Variants in ADGRL3 observed in about 807,000 individuals in gnomAD.
ADGRL3 encodes the protein adhesion G protein-coupled receptor L3.
A neutral mutation model predicts 153.5 loss-of-function variants in ADGRL3; 62 were observed. The observed-to-expected ratio is 0.40, with a 90% CI of 0.33 to 0.50. ADGRL3 has a LOEUF of 0.50. Ranked by LOEUF, ADGRL3 falls within the 20% of genes least tolerant of loss-of-function variation. The pLI is 0.47. For missense variants in ADGRL3, 1,641 were observed against 1,859.4 expected, an observed-to-expected ratio of 0.88 and a Z score of 2.16; for synonymous variants, 710 against 672.5, an observed-to-expected ratio of 1.06 and a Z score of -0.86.
intron 6 of ADGRL3, among the ~76,000 whole-genome samples, chr4:61,694,461 C>T (rs1309267335): frequency 3.9e-5 from 6 of 151,942 alleles, no homozygotes; most frequent in Admixed American, 3.9e-4. Context: ...TTACATTATG[C>T]TATAGTCTAT....
intron 9 of ADGRL3, among the ~76,000 whole-genome samples, chr4:61,865,258 A>G (rs554677840): frequency 8.2e-6 from 1 of 122,098 alleles, no homozygotes; most frequent in African/African-American, 3.0e-5. Context: ...CCCATATACA[A>G]GCTACTTTAA....
At chr4:61,634,999 C>T (rs1054732263) in intron 5 of ADGRL3, among the ~76,000 whole-genome samples, 1 of 152,076 alleles carries the variant, frequency 6.6e-6, no homozygotes, top group African/African-American at 2.4e-5. Context: ...AAGACTGAGG[C>T]GAGGGCAAGA....
At chr4:61,583,355 C>T (rs1428797299) in intron 4 of ADGRL3, among the ~76,000 whole-genome samples, 2 of 151,854 alleles carry the variant, frequency 1.3e-5, no homozygotes, top group African/African-American at 4.8e-5. Flanking sequence ...TATAGCATAT[C>T]GAGTCAAAAA....
intron 2 of ADGRL3, among the ~76,000 whole-genome samples, chr4:61,446,764 T>C (rs1208445746): frequency 1.3e-5 from 2 of 152,200 alleles, no homozygotes; most frequent in Non-Finnish European, 1.5e-5. Context: ...TTAATGAATA[T>C]ACAGAAATCA....
At chr4:61,763,028 C>A (rs943783642) in intron 8 of ADGRL3, among the ~76,000 whole-genome samples, 7 of 152,100 alleles carry the variant, frequency 4.6e-5, no homozygotes, top group African/African-American at 1.7e-4. Context: ...CAAAATTACT[C>A]TTTTTTTCCC....
chr4:61,447,308 A>G (rs2097595539), intron 2 of ADGRL3, among the ~76,000 whole-genome samples: 1 of 152,158 alleles, frequency 6.6e-6, no homozygotes, highest in African/African-American at 2.4e-5. Context: ...ATAATCCAGT[A>G]TTGATTTTCA....
chr4:61,727,631 A>G (rs1203757449), intron 6 of ADGRL3, among the ~76,000 whole-genome samples: 4 of 152,006 alleles, frequency 2.6e-5, no homozygotes, highest in Non-Finnish European at 5.9e-5. Flanking sequence ...TGTAGCAACA[A>G]ATGTTTTTTG....
chr4:61,281,112 A>G (rs1490125419), intron 1 of ADGRL3, among the ~76,000 whole-genome samples: 1 of 152,096 alleles, frequency 6.6e-6, no homozygotes, highest in African/African-American at 2.4e-5. Flanking sequence ...ATATATGCCT[A>G]ACTTTTAAAG....
intron 5 of ADGRL3, among the ~76,000 whole-genome samples, chr4:61,598,288 C>T (rs538049744): frequency 2.0e-5 from 3 of 152,204 alleles, no homozygotes; most frequent in South Asian, 2.1e-4. Context: ...CAACATGAAC[C>T]TCCTGCGAAC....
At chr4:61,321,435 GA>G (rs1297572543) in intron 1 of ADGRL3, among the ~76,000 whole-genome samples, 1 of 151,992 alleles carries the variant, frequency 6.6e-6, no homozygotes, top group African/African-American at 2.4e-5. Flanking sequence ...GAATTACCTA[GA>G]AAAGCATGTA....
intron 25 of ADGRL3, among the ~76,000 whole-genome samples, chr4:62,055,551 A>G (rs1736542029): frequency 6.6e-6 from 1 of 151,766 alleles, no homozygotes; most frequent in Admixed American, 6.6e-5. Flanking sequence ...TCAGTAAAAT[A>G]TTTCTTTTTT....
chr4:61,315,575 G>T (rs1272568209), intron 1 of ADGRL3, among the ~76,000 whole-genome samples: 1 of 152,150 alleles, frequency 6.6e-6, no homozygotes, highest in African/African-American at 2.4e-5. Flanking sequence ...GGAGGGGCTG[G>T]AAAGGCAATC....
At chr4:61,808,787 T>C (rs1223024172) in intron 8 of ADGRL3, among the ~76,000 whole-genome samples, 1 of 147,020 alleles carries the variant, frequency 6.8e-6, no homozygotes, top group African/African-American at 2.6e-5. Flanking sequence ...CAACAAGAAA[T>C]CGGGCTTTTT....
chr4:61,775,793 C>T lies in ADGRL3; in HGVS notation c.1400-38016C>T. On this transcript the variant is annotated intron_variant, in intron 8 of 26. Coordinates refer to ENST00000683033, the MANE Select transcript of ADGRL3 (RefSeq NM_001387552.1). ...TGGATGAGGGCAGTCTTCAGCACCT[C>T]CTGTAAAGCAGTATTAACGTCCATT... The T allele has an allele frequency of 6.5e-6, 5 of 769,666 alleles. No individual in the cohort carries two copies. The South Asian group carries it at 6.9e-5, about 11-fold the overall frequency. The allele number at this position is 769,666 out of a possible 1,614,324, so 47.7% of individuals were successfully genotyped here. A position where few individuals can be genotyped will look rare whatever the true frequency, so the allele number is the denominator to read the frequency against.
At chr4:61,870,523 G>A (rs1214478219) in intron 9 of ADGRL3, among the ~76,000 whole-genome samples, 1 of 152,098 alleles carries the variant, frequency 6.6e-6, no homozygotes, top group African/African-American at 2.4e-5. Context: ...ACAATCCACA[G>A]AACTGGAGAA....
chr4:61,373,798 G>A (rs1259938748), intron 1 of ADGRL3, among the ~76,000 whole-genome samples: 3 of 152,080 alleles, frequency 2.0e-5, no homozygotes, highest in Non-Finnish European at 2.9e-5. Flanking sequence ...CCTACAAAAA[G>A]CCAACAGGTT....
Position 61,935,996 on chromosome 4 carries a change from A to G in ADGRL3, c.2370A>G (p.Gly790=). The G allele has an allele frequency of 6.2e-7, 1 of 1,609,674 alleles. No individual in the cohort carries two copies. Among genetic ancestry groups the G allele is most frequent in the Non-Finnish European group, 8.5e-7 (1 of 1,177,814 alleles). The change falls in exon 15 of 27, where the codon GGA becomes GGG. Residue 790 remains glycine, a synonymous_variant. Coordinates refer to ENST00000683033, the MANE Select transcript of ADGRL3 (RefSeq NM_001387552.1). ...AATTTCCAGAAAACATGGGCCATGG[A>G]AGCACTATCCAGCTGTCTGCAAATA... ...DLKFPENMGH[G]STIQLSANTL...
intron 1 of ADGRL3, among the ~76,000 whole-genome samples, chr4:61,341,144 C>G (rs1002873691): frequency 6.6e-6 from 1 of 151,836 alleles, no homozygotes; most frequent in African/African-American, 2.4e-5. Flanking sequence ...TTCTTTTGCT[C>G]AGAATAAGTT....
intron 2 of ADGRL3, among the ~76,000 whole-genome samples, chr4:61,434,352 G>A (rs1560626642): frequency 6.6e-6 from 1 of 151,940 alleles, no homozygotes; most frequent in Non-Finnish European, 1.5e-5. Flanking sequence ...TTTGATGAAC[G>A]CTTTCTGGAA....
Sources: allele counts gnomAD v4.1 joint callset (sites outside exome capture counted in the v4.1 genomes callset), GRCh38; gene constraint gnomAD v4.1.1; transcripts MANE v1.5; gene names NCBI Gene and HGNC (gene_info 2026-07-23, HGNC 2026-07-21).